The following PCNX1 variants were observed in gnomAD, a reference collection of about 807,000 sequenced individuals.
PCNX1 encodes the protein pecanex-like protein 1.
Under a neutral mutation model 242.2 loss-of-function variants are expected in PCNX1, and 78 were observed. That is an observed-to-expected ratio of 0.32 (90% CI 0.27 to 0.39). The LOEUF is 0.39. PCNX1 is among the 10% of genes least tolerant of loss of function. The probability of loss-of-function intolerance (pLI) is 1.00; values close to 1 mark genes in which losing one functional copy is unlikely to be tolerated. For synonymous variants in PCNX1, 1,024 were observed against 1,032.9 expected (o/e 0.99, Z 0.17); for missense variants, 2,581 against 2,856.5 (o/e 0.90, Z 2.20).
At chr14:70,939,581 T>C (rs537407160) in intron 1 of PCNX1, among the ~76,000 whole-genome samples, 123 of 152,316 alleles carry the variant, frequency 8.1e-4, no homozygotes, top group Non-Finnish European at 1.5e-3. Context: ...ATAAGTGCAG[T>C]GTGTTGCTGA....
At chr14:70,962,112 A>C (rs2058236231) in intron 2 of PCNX1, 114 bp from the exon 3 acceptor site, 2 of 683,348 alleles carry the variant, frequency 2.9e-6, no homozygotes, top group African/African-American at 3.6e-5. Flanking sequence ...GCTGGATTAA[A>C]AATCAGAACC....
rs1157687827 is a variant in PCNX1 at position 71,111,747 on chromosome 14, T to A, written c.*1812T>A. On this transcript the variant is annotated 3_prime_UTR_variant, in exon 36 of 36. Coordinates refer to ENST00000304743, the MANE Select transcript of PCNX1 (RefSeq NM_014982.3). ...TTCTAATTTTAAACTTTTGTGGTCATTCAGAACCTAATGTGCCTTGTGTTG... is the reference window on the plus strand; with the variant it reads ...TTCTAATTTTAAACTTTTGTGGTCAATCAGAACCTAATGTGCCTTGTGTTG... The A allele has an allele frequency of 6.6e-6, 1 of 152,176 alleles. No individual in the cohort carries two copies. Among genetic ancestry groups the A allele is most frequent in the Non-Finnish European group, 1.5e-5 (1 of 67,968 alleles). The allele number at this position is 152,176 out of a possible 1,614,324, so 9.4% of individuals were successfully genotyped here.
intron 1 of PCNX1, among the ~76,000 whole-genome samples, chr14:70,909,164 A>T (rs961628240): frequency 1.3e-5 from 2 of 152,200 alleles, no homozygotes; most frequent in African/African-American, 4.8e-5. Flanking sequence ...GTTCAGTTTC[A>T]CTAATTGGCA....
chr14:70,965,805 G>A (rs1456574692), intron 3 of PCNX1, among the ~76,000 whole-genome samples: 2 of 152,250 alleles, frequency 1.3e-5, no homozygotes, highest in African/African-American at 4.8e-5. Flanking sequence ...GGCCTTGCCT[G>A]ATATGCTCTC....
intron 18 of PCNX1, 73 bp from the exon 19 acceptor site, chr14:71,035,992 C>A: frequency 1.0e-6 from 1 of 990,734 alleles, no homozygotes; most frequent in South Asian, 1.5e-5. Flanking sequence ...TAAACTTTGC[C>A]AATTGGGAAT....
At chr14:71,052,211 T>C (rs1284641710) in intron 24 of PCNX1, among the ~76,000 whole-genome samples, 199 bp downstream of exon 24, 1 of 151,826 alleles carries the variant, frequency 6.6e-6, no homozygotes, top group Non-Finnish European at 1.5e-5. Context: ...TATTTTTCTT[T>C]CTTTCCTTTT....
In PCNX1 at chr14:71,034,008, C is replaced by A; in HGVS notation, c.3746C>A (p.Pro1249Gln). ...PEDPLSEVKD[P>Q]LPEKLRNSVS... ...GACCCTCTATCTGAAGTAAAAGATC[C>A]ACTGCCTGAAAAACTTAGAAATTCT... Residue 1249 changes from proline to glutamine, a missense_variant, in exon 18 of 36, where the codon CCA (proline) becomes CAA (glutamine). This residue lies in a region of PCNX1 where 432 missense variants were observed against 443.1 expected (regional missense o/e 0.97). Coordinates refer to ENST00000304743, the MANE Select transcript of PCNX1 (RefSeq NM_014982.3). 1 of 1,602,692 alleles carries A rather than the reference C, an allele frequency of 6.2e-7. No individual in the cohort carries two copies. The highest frequency in any genetic ancestry group is 1.1e-5 in the South Asian group (1 of 89,868).
intron 8 of PCNX1, among the ~76,000 whole-genome samples, chr14:71,004,643 G>A (rs1006763962): frequency 2.6e-5 from 4 of 152,158 alleles, no homozygotes; most frequent in African/African-American, 7.2e-5. Context: ...GTTGGGGACC[G>A]TTGCATTAAC....
intron 5 of PCNX1, among the ~76,000 whole-genome samples, chr14:70,973,252 C>CAA (rs71448337): frequency 1.6e-4 from 13 of 80,424 alleles, no homozygotes; most frequent in Admixed American, 2.9e-4. Context: ...CACTCTGTCT[C>CAA]AAAAAAAAAA....
intron 1 of PCNX1, among the ~76,000 whole-genome samples, chr14:70,928,496 A>G (rs2056671382): frequency 6.6e-6 from 1 of 152,246 alleles, no homozygotes; most frequent in Non-Finnish European, 1.5e-5. Context: ...TTATCAATTT[A>G]CTGTGGGATT....
chr14:71,034,269 A>G (rs2060470090), intron 18 of PCNX1, among the ~76,000 whole-genome samples: 1 of 152,172 alleles, frequency 6.6e-6, no homozygotes, highest in African/African-American at 2.4e-5. Context: ...ATTTATTTTT[A>G]GGTCAGGTGA....
At chr14:70,987,395 A>G (rs946148858) in intron 6 of PCNX1, among the ~76,000 whole-genome samples, 2 of 152,216 alleles carry the variant, frequency 1.3e-5, no homozygotes, top group African/African-American at 2.4e-5. Context: ...TTAAATAGCC[A>G]CATATGGCTA....
chr14:70,913,109 C>T (rs1179988183), intron 1 of PCNX1, among the ~76,000 whole-genome samples: 1 of 152,220 alleles, frequency 6.6e-6, no homozygotes, highest in Non-Finnish European at 1.5e-5. Flanking sequence ...TCATCCTCCA[C>T]TTCCATACCT....
Position 71,033,416 on chromosome 14 carries a change from C to G in PCNX1, c.3559-13C>G, listed in dbSNP as rs147880621. ...TAGAAGCATATTATTCTGTTAAATT[C>G]ATTTTTCCGCAGGATTCTTGGGATG... On this transcript the variant is annotated splice_polypyrimidine_tract_variant and intron_variant, in intron 16 of 35. Coordinates refer to ENST00000304743, the MANE Select transcript of PCNX1 (RefSeq NM_014982.3). 1.5e-5 allele frequency: 20 copies of G among 1,379,286 alleles called. No individual in the cohort carries two copies. Among genetic ancestry groups the G allele is most frequent in the Non-Finnish European group, 1.9e-5 (18 of 970,186 alleles). 85.4% of individuals were successfully genotyped at this position (1,379,286 alleles called of 1,614,324 possible).
chr14:71,040,390 A>G (rs530065360), intron 19 of PCNX1, among the ~76,000 whole-genome samples: 184 of 152,094 alleles, frequency 1.2e-3, no homozygotes, highest in Non-Finnish European at 1.8e-4. Flanking sequence ...TTATCTTTTT[A>G]TCACTAGGTT....
rs985525589 is a variant in PCNX1 at position 71,080,853 on chromosome 14, C to G, written c.5337+4434C>G. On this transcript the variant is annotated intron_variant, in intron 28 of 35. Transcript: ENST00000304743. ...ACTTCCTCTCTTCCTATTTAAATACCCTTTATTTCTTTCTCTTGGCTGATT... is the reference window on the plus strand; with the variant it reads ...ACTTCCTCTCTTCCTATTTAAATACGCTTTATTTCTTTCTCTTGGCTGATT... Among the ~76,000 whole-genome samples the G allele has an allele frequency of 5.9e-5, 9 of 152,074 alleles. No individual in the cohort carries two copies. In the South Asian group the frequency reaches 1.7e-3, roughly 28 times the overall value.
At chr14:70,916,139 C>T (rs969716142) in intron 1 of PCNX1, among the ~76,000 whole-genome samples, 3 of 152,090 alleles carry the variant, frequency 2.0e-5, no homozygotes, top group Admixed American at 1.3e-4. Flanking sequence ...GCTATTCTTA[C>T]TTTTGGTAAG....
In PCNX1 at chr14:70,962,348, T is replaced by C. The variant is rs779324481; in HGVS notation, c.468+17T>C. 6.7e-7 allele frequency: 1 copy of C among 1,483,770 alleles called. No homozygotes were observed. Among genetic ancestry groups the C allele is most frequent in the South Asian group, 1.1e-5 (1 of 88,150 alleles). 91.9% of individuals were successfully genotyped at this position (1,483,770 alleles called of 1,614,324 possible). On this transcript the variant is annotated intron_variant, in intron 3 of 35. Transcript: ENST00000304743. ...AGCAACCAGGTAGGAACCTGCGCTG[T>C]TTTATTTTGCCTTTTTCCCTCCTCC...
intron 33 of PCNX1, among the ~76,000 whole-genome samples, chr14:71,106,161 A>C (rs914566394): frequency 1.3e-5 from 2 of 151,816 alleles, no homozygotes; most frequent in East Asian, 1.9e-4. Context: ...CTACAGGTGC[A>C]TGCCACTGCG....
Sources: allele counts gnomAD v4.1 joint callset (sites outside exome capture counted in the v4.1 genomes callset), GRCh38; gene constraint gnomAD v4.1.1; regional missense constraint gnomAD v4.1.1; transcripts MANE v1.5; gene names NCBI Gene and HGNC (gene_info 2026-07-23, HGNC 2026-07-21).